Variants in CNST observed in about 807,000 individuals in gnomAD.
CNST encodes the protein consortin.
In CNST, 39 loss-of-function variants were observed where a neutral mutation model predicts 72.4. That is an observed-to-expected ratio of 0.54 (90% CI 0.42 to 0.70). The LOEUF is 0.70. Ranked by LOEUF, CNST falls within the 30% of genes least tolerant of loss-of-function variation. CNST has a pLI of 0.00. For synonymous variants in CNST, 332 were observed against 320.1 expected (o/e 1.04, Z -0.40); for missense variants, 871 against 868.5 (o/e 1.00, Z -0.04).
chr1:246,619,925 C>A (rs1663945931), intron 2 of CNST, among the ~76,000 whole-genome samples: 1 of 134,034 alleles, frequency 7.5e-6, no homozygotes, highest in African/African-American at 2.9e-5. Flanking sequence ...ACACGATGGG[C>A]TCTGGGAACA....
intron 1 of CNST, among the ~76,000 whole-genome samples, chr1:246,579,971 G>A (rs147606082): frequency 4.7e-4 from 71 of 152,286 alleles, no homozygotes; most frequent in African/African-American, 1.7e-3. Flanking sequence ...CACAGCTGGC[G>A]AGTATCAGAA....
chr1:246,612,226 G>A (rs1041633377), intron 2 of CNST, among the ~76,000 whole-genome samples: 2 of 152,186 alleles, frequency 1.3e-5, no homozygotes, highest in African/African-American at 4.8e-5. Context: ...TTTGAGACAG[G>A]GTTTTGCATT....
intron 2 of CNST, among the ~76,000 whole-genome samples, chr1:246,603,259 A>G (rs1662431572): frequency 6.6e-6 from 1 of 152,234 alleles, no homozygotes; most frequent in Non-Finnish European, 1.5e-5. Context: ...GACTCAGATT[A>G]GTGGAAGCTT....
rs1315921372 is a variant in CNST, at chr1:246,647,189, G to C, written c.988G>C (p.Val330Leu). 2 of 1,614,004 alleles carry C rather than the reference G, an allele frequency of 1.2e-6. No individual in the cohort carries two copies. The highest frequency in any genetic ancestry group is 1.7e-6 in the Non-Finnish European group (2 of 1,180,040). Reference protein sequence around the residue: ...TESSKESQHTVEPLGSSPCCH... With the variant: ...TESSKESQHTLEPLGSSPCCH... ...GTCAAGTAAAGAAAGCCAACATACA[G>C]TGGAGCCCCTGGGGAGCAGTCCCTG... The change falls in exon 9 of 11, where the codon GTG becomes CTG. Residue 330 changes from valine to leucine, a missense_variant. Coordinates refer to ENST00000366513, the MANE Select transcript of CNST (RefSeq NM_152609.3).
chr1:246,642,019 G>C lies in CNST; in HGVS notation c.919G>C (p.Ala307Pro). The change falls in exon 8 of 11, where the codon GCT (alanine) becomes CCT (proline). Residue 307 changes from alanine (A) to proline (P), a missense_variant. Transcript: ENST00000366513. ...LVSEDPKEGG[A>P]TTKESESKTC... ...GTCTGAAGATCCAAAGGAAGGAGGA[G>C]CTACCACCAAAGAGTCAGGTATGTT... 1 of 1,608,450 alleles carries C rather than the reference G, an allele frequency of 6.2e-7. No individual in the cohort carries two copies. The highest frequency in any genetic ancestry group is 8.5e-7 in the Non-Finnish European group (1 of 1,176,212).
At chr1:246,586,111 A>ATGTGTGTGTGTGTGTGTG (rs113258007) in intron 1 of CNST, among the ~76,000 whole-genome samples, 1 of 102,698 alleles carries the variant, frequency 9.7e-6, no homozygotes, top group Non-Finnish European at 1.8e-5. Flanking sequence ...ATATATATAT[A>ATGTGTGTGTGTGTGTGTG]TGTGTGTGTG....
chr1:246,645,194 A>G (rs1020222979), intron 8 of CNST, among the ~76,000 whole-genome samples: 2 of 152,098 alleles, frequency 1.3e-5, no homozygotes, highest in African/African-American at 2.4e-5. Flanking sequence ...TCTGCAGGCA[A>G]TGTTTCAGGA....
intron 2 of CNST, among the ~76,000 whole-genome samples, chr1:246,596,043 C>CT (rs966478400): frequency 8.0e-4 from 120 of 149,572 alleles, no homozygotes; most frequent in African/African-American, 2.4e-3. Flanking sequence ...ATATAATGAG[C>CT]TTTTTTTTTT....
rs1666170038 is a variant in CNST, at chr1:246,647,459, G to A, written c.1258G>A (p.Asp420Asn). Residue 420 changes from aspartate to asparagine, a missense_variant, in exon 9 of 11, where the codon GAC (aspartate) becomes AAC (asparagine). Transcript: ENST00000366513. The stretch of plus-strand genomic sequence containing the variant: ...GGCCAGAATAGAGGGCATTGCTGAA[G>A]ACCCTAAGGTGTTTCTTTCCAGCAA... ...DVARIEGIAE[D>N]PKVFLSSKSK... 1.9e-6 allele frequency: 3 copies of A among 1,614,156 alleles called. No homozygotes were observed. Among genetic ancestry groups the A allele is most frequent in the Non-Finnish European group, 1.7e-6 (2 of 1,180,038 alleles).
rs1666221837 is a variant in CNST, at chr1:246,648,002, C to G, written c.1801C>G (p.Leu601Val). The change falls in exon 9 of 11, where the codon CTT becomes GTT. Residue 601 changes from leucine (L) to valine (V), a missense_variant. Physicochemically the swap from Leu to Val is conservative, Grantham distance 32. Coordinates refer to ENST00000366513, the MANE Select transcript of CNST (RefSeq NM_152609.3). ...NLPSDESCLS[L>V]DDLAKRIEIA... ...GCCTTCTGATGAGAGCTGTCTTTCT[C>G]TTGATGATCTTGCCAAAAGGATAGA... 1 of 1,612,618 alleles carries G rather than the reference C, an allele frequency of 6.2e-7. No homozygotes were observed. Among genetic ancestry groups the G allele is most frequent in the South Asian group, 1.1e-5 (1 of 90,868 alleles).
chr1:246,647,514 G>A lies in CNST; in HGVS notation c.1313G>A (p.Gly438Asp), dbSNP rs1192963708. 5.6e-6 allele frequency: 9 copies of A among 1,614,064 alleles called. No individual in the cohort carries two copies. Among genetic ancestry groups the A allele is most frequent in the African/African-American group, 2.7e-5 (2 of 74,914 alleles). ...AAGACAGAGCCGTTGATTTCACCAG[G>A]CTGTGACCGTATACCTCCTGCATTG... is the stretch of plus-strand genomic sequence containing the variant. ...KSKTEPLISP[G>D]CDRIPPALIS... is the part of the protein sequence containing the mutation. The change falls in exon 9 of 11, where the codon GGC becomes GAC. Residue 438 changes from glycine (G) to aspartate (D), a missense_variant. By Grantham distance (94) the Gly-to-Asp change is moderately conservative. Transcript: ENST00000366513.
At chr1:246,609,087 A>G (rs1315177438) in intron 2 of CNST, among the ~76,000 whole-genome samples, 2 of 152,194 alleles carry the variant, frequency 1.3e-5, no homozygotes, top group East Asian at 3.8e-4. Flanking sequence ...GGGAGGGAGC[A>G]TGGCACACTC....
At position 246,647,269 on chromosome 1, in the gene CNST, A is replaced by G. The variant is rs1294894147; in HGVS notation, c.1068A>G (p.Gly356=). The G allele has an allele frequency of 1.9e-6, 3 of 1,614,018 alleles. No individual in the cohort carries two copies. Among genetic ancestry groups the G allele is most frequent in the African/African-American group, 2.7e-5 (2 of 74,930 alleles). ...CCCCAAGCCTTTCGGTAACTGCAGGAAAGGACCACATGGAGGAGCTGCTCT... is the reference window on the plus strand; with the variant it reads ...CCCCAAGCCTTTCGGTAACTGCAGGGAAGGACCACATGGAGGAGCTGCTCT... ...TDSPSLSVTA[G]KDHMEELLCS... is the part of the protein sequence containing the mutation. The change falls in exon 9 of 11, where the codon GGA becomes GGG. Residue 356 remains glycine (G), a synonymous_variant. Coordinates refer to ENST00000366513, the MANE Select transcript of CNST (RefSeq NM_152609.3).
intron 1 of CNST, among the ~76,000 whole-genome samples, chr1:246,578,466 T>G (rs573875854): frequency 1.3e-5 from 2 of 151,850 alleles, no homozygotes; most frequent in East Asian, 3.9e-4. Flanking sequence ...AGGTAGGAGA[T>G]CGAGACCATC....
intron 2 of CNST, among the ~76,000 whole-genome samples, chr1:246,608,372 G>A (rs766542432): frequency 6.6e-5 from 10 of 152,092 alleles, no homozygotes; most frequent in Non-Finnish European, 1.0e-4. Context: ...TTAAGAATTA[G>A]CATCACAAAT....
intron 9 of CNST, among the ~76,000 whole-genome samples, chr1:246,653,790 A>G (rs1406746649): frequency 1.3e-5 from 2 of 152,096 alleles, no homozygotes; most frequent in Non-Finnish European, 2.9e-5. Context: ...TAGTTACTTA[A>G]TAAGTTTCCC....
At chr1:246,585,697 A>T (rs1661120252) in intron 1 of CNST, among the ~76,000 whole-genome samples, 1 of 145,688 alleles carries the variant, frequency 6.9e-6, no homozygotes, top group African/African-American at 2.6e-5. Context: ...ACACACACAC[A>T]CACACACACA....
At chr1:246,639,963 G>A (rs899220176) in intron 6 of CNST, among the ~76,000 whole-genome samples, 2 of 152,152 alleles carry the variant, frequency 1.3e-5, no homozygotes, top group Non-Finnish European at 2.9e-5. Flanking sequence ...CGTGTCTTCC[G>A]GCCAGCCCTC....
chr1:246,647,029 T>G, intron 8 of CNST, 110 bp from the exon 9 acceptor site: 1 of 997,374 alleles, frequency 1.0e-6, no homozygotes, highest in Non-Finnish European at 1.5e-6. Context: ...AATTTCCATT[T>G]GAAAGGGTTA....
Sources: allele counts gnomAD v4.1 joint callset (sites outside exome capture counted in the v4.1 genomes callset), GRCh38; gene constraint gnomAD v4.1.1; transcripts MANE v1.5; gene names NCBI Gene and HGNC (gene_info 2026-07-23, HGNC 2026-07-21).